The following INPP4A variants were observed in gnomAD, a reference collection of about 807,000 sequenced individuals.
INPP4A encodes inositol polyphosphate-4-phosphatase, type I, 107kD.
Under a neutral mutation model 119.8 loss-of-function variants are expected in INPP4A, and 33 were observed. That is an observed-to-expected ratio of 0.28 (90% CI 0.21 to 0.37). The LOEUF (loss-of-function observed/expected upper bound fraction) is 0.37. Among genes scored for constraint, INPP4A ranks in the 10% least tolerant of loss-of-function variants. The pLI is 1.00. For synonymous variants in INPP4A, 496 were observed against 500.7 expected (o/e 0.99, Z 0.12); for missense variants, 956 against 1,289.9 (o/e 0.74, Z 3.97).
intron 4 of INPP4A, among the ~76,000 whole-genome samples, chr2:98,523,486 C>G (rs183251545): frequency 1.3e-5 from 2 of 151,870 alleles, no homozygotes; most frequent in Non-Finnish European, 2.9e-5. Context: ...GCTCCGCCTC[C>G]TGGGTTCATG....
At chr2:98,585,226 A>C (rs552960767) in intron 24 of INPP4A, among the ~76,000 whole-genome samples, 171 of 152,008 alleles carry the variant, frequency 1.1e-3, no homozygotes, top group Middle Eastern at 3.4e-3. Context: ...CAGCCACCCC[A>C]TGCTCAGCCA....
At chr2:98,579,180 G>C (rs1341946337) in intron 24 of INPP4A, among the ~76,000 whole-genome samples, 1 of 151,850 alleles carries the variant, frequency 6.6e-6, no homozygotes, top group African/African-American at 2.4e-5. Context: ...CTCCTGAGTA[G>C]CTGGGATTAC....
chr2:98,469,324 C>T (rs553862569), intron 1 of INPP4A, among the ~76,000 whole-genome samples: 67 of 152,108 alleles, frequency 4.4e-4, no homozygotes, highest in Non-Finnish European at 8.7e-4. Context: ...TGGTGAAACC[C>T]CATCTCTACT....
chr2:98,452,779 C>T (rs903266151), intron 1 of INPP4A, among the ~76,000 whole-genome samples: 27 of 152,208 alleles, frequency 1.8e-4, no homozygotes, highest in African/African-American at 6.0e-4. Flanking sequence ...CAGTAACACT[C>T]CAGCTCCAGG....
At chr2:98,473,048 G>A (rs1421247478) in intron 1 of INPP4A, among the ~76,000 whole-genome samples, 1 of 151,002 alleles carries the variant, frequency 6.6e-6, no homozygotes, top group African/African-American at 2.4e-5. Flanking sequence ...TGGGTGCAGT[G>A]AAGAGTGAGG....
intron 23 of INPP4A, among the ~76,000 whole-genome samples, chr2:98,573,309 T>A (rs147377293): frequency 6.6e-6 from 1 of 152,352 alleles, no homozygotes; most frequent in Non-Finnish European, 1.5e-5. Context: ...TCGTCCATTG[T>A]GCCTCTGATC....
Position 98,554,042 on chromosome 2 carries a change from C to A in INPP4A, c.1348-229C>A, listed in dbSNP as rs533123395. Among the ~76,000 whole-genome samples the A allele has an allele frequency of 3.9e-5, 6 of 152,372 alleles. No homozygotes were observed. Among genetic ancestry groups the A allele is most frequent in the Non-Finnish European group, 8.8e-5 (6 of 68,040 alleles). Reference sequence around the variant, plus strand: ...AATGTCAGAGATTTCTCAACCTCTTCTCTTCCTTGGTGGGAAATTCTTGTT... The same window carrying A: ...AATGTCAGAGATTTCTCAACCTCTTATCTTCCTTGGTGGGAAATTCTTGTT... On this transcript the variant is annotated intron_variant, in intron 14 of 24. Coordinates refer to ENST00000409851, the MANE Select transcript of INPP4A (RefSeq NM_001134225.2). This position sits in a 1 kb window ranked among gnomAD's most constrained non-coding sequence, Gnocchi z 4.7.
chr2:98,558,392 T>C (rs932690751), intron 16 of INPP4A, among the ~76,000 whole-genome samples: 4 of 152,200 alleles, frequency 2.6e-5, no homozygotes, highest in Non-Finnish European at 5.9e-5. Context: ...CAGTTCTATA[T>C]CACTGTGGGT....
intron 4 of INPP4A, among the ~76,000 whole-genome samples, chr2:98,527,770 A>G (rs371439809): frequency 4.6e-5 from 7 of 152,226 alleles, no homozygotes; most frequent in East Asian, 1.9e-4. Context: ...TATCTGTCCA[A>G]CCATTATCTG....
chr2:98,567,041 A>G (rs1197649636), intron 21 of INPP4A, among the ~76,000 whole-genome samples: 1 of 152,156 alleles, frequency 6.6e-6, no homozygotes, highest in Non-Finnish European at 1.5e-5. Context: ...CTTAGGAAAT[A>G]TGGTATCATT....
At chr2:98,450,148 T>A (rs750094791) in intron 1 of INPP4A, among the ~76,000 whole-genome samples, 8 of 152,280 alleles carry the variant, frequency 5.3e-5, no homozygotes, top group Admixed American at 2.0e-4. Flanking sequence ...CTTTTCTGAG[T>A]ACCCCCTGCA....
intron 10 of INPP4A, among the ~76,000 whole-genome samples, 167 bp downstream of exon 10, chr2:98,539,842 T>C (rs1289177789): frequency 2.0e-5 from 3 of 152,202 alleles, no homozygotes; most frequent in South Asian, 2.1e-4. Flanking sequence ...AGTTTGCTCA[T>C]TGGGATCATG....
At chr2:98,449,264 G>T (rs1694823405) in intron 1 of INPP4A, among the ~76,000 whole-genome samples, 1 of 152,166 alleles carries the variant, frequency 6.6e-6, no homozygotes. Context: ...ATGATAGTAG[G>T]CAGATGATGA....
At chr2:98,587,295 A>G (rs1320274540) in intron 24 of INPP4A, among the ~76,000 whole-genome samples, 181 bp from the exon 25 acceptor site, 1 of 152,184 alleles carries the variant, frequency 6.6e-6, no homozygotes, top group African/African-American at 2.4e-5. Context: ...TGTGCTTCTT[A>G]ATTGCCTTGT....
At chr2:98,462,900 G>T (rs1205521615) in intron 1 of INPP4A, among the ~76,000 whole-genome samples, 2 of 151,808 alleles carry the variant, frequency 1.3e-5, no homozygotes, top group Admixed American at 1.3e-4. Context: ...ATCGTGCTCT[G>T]TTGCAATCTT....
rs988257378 is a variant in INPP4A, at chr2:98,572,856, C to T, written c.2560C>T (p.Leu854=). 2.5e-6 allele frequency: 4 copies of T among 1,575,488 alleles called. No individual in the cohort carries two copies. The South Asian group carries it at 3.5e-5, about 14-fold the overall frequency. ...SRSQTCLPEL[L]RFLGQNVHAR... ...CAGTCAGACGTGCCTGCCAGAGCTG[C>T]TGCGGTTTCTGGGTCAGAACGTGCA... Residue 854 remains leucine (L), a synonymous_variant, in exon 23 of 25, where the codon CTG becomes TTG. Transcript: ENST00000409851.
intron 24 of INPP4A, among the ~76,000 whole-genome samples, chr2:98,580,615 G>A (rs1699162561): frequency 6.6e-6 from 1 of 152,234 alleles, no homozygotes; most frequent in Non-Finnish European, 1.5e-5. Flanking sequence ...TGGGAATTGT[G>A]CCCTCTCAGA....
At chr2:98,482,381 A>G (rs1343768705) in intron 1 of INPP4A, among the ~76,000 whole-genome samples, 2 of 152,246 alleles carry the variant, frequency 1.3e-5, no homozygotes, top group Non-Finnish European at 2.9e-5. Context: ...CAGTCAGAGC[A>G]GGGCCTCAAG....
chr2:98,503,765 G>A lies in INPP4A; in HGVS notation c.-165-15199G>A, dbSNP rs527411127. Among the ~76,000 whole-genome samples the A allele has an allele frequency of 5.6e-4, 86 of 152,330 alleles. 1 individual carries two copies. The highest frequency in any genetic ancestry group is 1.9e-3 in the African/African-American group (79 of 41,566). On this transcript the variant is annotated intron_variant, in intron 1 of 24. Transcript: ENST00000409851. ...TTTCAGGTCATCAAACCAGGCTTGC[G>A]TGACAGGATGACAGAGACTCCTTCT...
Sources: allele counts gnomAD v4.1 joint callset (sites outside exome capture counted in the v4.1 genomes callset), GRCh38; gene constraint gnomAD v4.1.1; non-coding constraint Gnocchi (gnomAD v3.1); transcripts MANE v1.5; gene names NCBI Gene and HGNC (gene_info 2026-07-23, HGNC 2026-07-21).